The following NFASC variants were observed in gnomAD, a reference collection of about 807,000 sequenced individuals.
The protein encoded by NFASC is neurofascin homolog.
A neutral mutation model predicts 147.5 loss-of-function variants in NFASC; 43 were observed. That is an observed-to-expected ratio of 0.29 (90% CI 0.23 to 0.38). NFASC has a LOEUF of 0.38. NFASC is among the 10% of genes least tolerant of loss of function. The probability of loss-of-function intolerance (pLI) is 1.00; values close to 1 mark genes in which losing one functional copy is unlikely to be tolerated. For synonymous variants in NFASC, 622 were observed against 665.5 expected (o/e 0.93, Z 1.01); for missense variants, 1,320 against 1,689.0 (o/e 0.78, Z 3.83).
At position 204,973,263 on chromosome 1, in the gene NFASC, T is replaced by TTG; in HGVS notation, c.1136-12_1136-11insGT. Reference sequence around the variant, plus strand: ...CCCATCTCTCATGAGGAGCGTCTCTTTCTTGTCTGTAGCGGCACCACCTAA... The same window carrying TTG: ...CCCATCTCTCATGAGGAGCGTCTCTTTGTCTTGTCTGTAGCGGCACCACCTAA... On this transcript the variant is annotated splice_polypyrimidine_tract_variant and intron_variant, in intron 11 of 29. Transcript: ENST00000339876. 1 of 1,613,932 alleles carries TTG rather than the reference T, an allele frequency of 6.2e-7. No homozygotes were observed. Among genetic ancestry groups the TTG allele is most frequent in the East Asian group, 2.2e-5 (1 of 44,882 alleles).
chr1:204,849,048 T>C (rs746577070), intron 1 of NFASC, among the ~76,000 whole-genome samples: 1 of 152,366 alleles, frequency 6.6e-6, no homozygotes, highest in East Asian at 1.9e-4. Flanking sequence ...TTCTGTGTGC[T>C]CACACACCTC....
chr1:204,927,088 TGATA>T (rs796549966), intron 2 of NFASC, among the ~76,000 whole-genome samples: 6 of 151,866 alleles, frequency 4.0e-5, no homozygotes, highest in Non-Finnish European at 5.9e-5. Flanking sequence ...AATAGATAGA[TGATA>T]GATAGATAGA....
rs1220788120 is a variant in NFASC, at chr1:204,979,972, G to T, written c.2177-398G>T. The stretch of plus-strand genomic sequence containing the variant: ...TATTTGGATTTCTGAAATCACACCA[G>T]CTCATAGAGGGTAGAGATGCTGCCC... On this transcript the variant is annotated intron_variant, in intron 19 of 29. Coordinates refer to ENST00000339876, the MANE Select transcript of NFASC (RefSeq NM_001005388.3). This position sits in a 1 kb window ranked among gnomAD's most constrained non-coding sequence, Gnocchi z 6.0. Among the ~76,000 whole-genome samples the T allele has an allele frequency of 6.6e-6, 1 of 152,166 alleles. No individual in the cohort carries two copies. Among genetic ancestry groups the T allele is most frequent in the Non-Finnish European group, 1.5e-5 (1 of 68,028 alleles).
chr1:204,997,080 C>A (rs1020322543), intron 24 of NFASC, 90 bp from the exon 25 acceptor site: 40 of 1,543,454 alleles, frequency 2.6e-5, no homozygotes, highest in Non-Finnish European at 3.4e-5. Context: ...GTCTCCTCAC[C>A]GGGCTGCCTG....
chr1:204,978,425 C>T (rs186307448), intron 17 of NFASC, among the ~76,000 whole-genome samples: 247 of 152,336 alleles, frequency 1.6e-3, no homozygotes, highest in Non-Finnish European at 2.8e-3. Context: ...AGCCAAGTCT[C>T]CATCTCCTCC....
chr1:204,952,078 C>A lies in NFASC; in HGVS notation c.177C>A (p.Ile59=). 1 of 1,614,130 alleles carries A rather than the reference C, an allele frequency of 6.2e-7. No individual in the cohort carries two copies. Among genetic ancestry groups the A allele is most frequent in the Non-Finnish European group, 8.5e-7 (1 of 1,180,016 alleles). The change falls in exon 5 of 30, where the codon ATC becomes ATA. Residue 59 remains isoleucine (I), a synonymous_variant. Transcript: ENST00000339876. ...ACATCGTGGACCCCCGTGATAACATCCTGATTGAGTGTGAAGCAAAAGGGA... is the reference window on the plus strand; with the variant it reads ...ACATCGTGGACCCCCGTGATAACATACTGATTGAGTGTGAAGCAAAAGGGA... ...KDHIVDPRDN[I]LIECEAKGNP...
chr1:204,974,456 G>T, intron 13 of NFASC, 166 bp downstream of exon 13: 1 of 809,672 alleles, frequency 1.2e-6, no homozygotes, highest in East Asian at 2.6e-5. Flanking sequence ...TGTACAGAAT[G>T]GGAAACCAAG....
intron 1 of NFASC, among the ~76,000 whole-genome samples, chr1:204,910,556 A>T (rs1466466425): frequency 2.0e-5 from 3 of 151,954 alleles, no homozygotes; most frequent in Admixed American, 1.3e-4. Flanking sequence ...GGCTCAAGGG[A>T]TCCTTCCACC....
intron 1 of NFASC, among the ~76,000 whole-genome samples, chr1:204,855,799 A>G (rs2076103918): frequency 6.6e-6 from 1 of 152,190 alleles, no homozygotes; most frequent in South Asian, 2.1e-4. Flanking sequence ...GCTTGTTGAC[A>G]TAGCTAGAGA....
At chr1:204,872,644 C>A (rs1008633753) in intron 1 of NFASC, among the ~76,000 whole-genome samples, 11 of 152,136 alleles carry the variant, frequency 7.2e-5, no homozygotes, top group African/African-American at 2.7e-4. Flanking sequence ...CTGTGGGAGG[C>A]TTCCTGGAAG....
At chr1:204,991,524 C>A (rs1016407132) in intron 24 of NFASC, among the ~76,000 whole-genome samples, 7 of 152,212 alleles carry the variant, frequency 4.6e-5, no homozygotes, top group Admixed American at 1.3e-4. Context: ...AACTATTTGC[C>A]CCCTGCTGAG....
At chr1:204,885,319 C>T (rs2081107748) in intron 1 of NFASC, among the ~76,000 whole-genome samples, 2 of 152,024 alleles carry the variant, frequency 1.3e-5, no homozygotes, top group Admixed American at 6.5e-5. Flanking sequence ...AGCCGTGGGC[C>T]AGCAGAAGTC....
chr1:204,862,380 T>C (rs376950176), intron 1 of NFASC, among the ~76,000 whole-genome samples: 1 of 152,238 alleles, frequency 6.6e-6, no homozygotes, highest in African/African-American at 2.4e-5. Context: ...AATATGTATA[T>C]AGCTTCCCAA....
intron 2 of NFASC, among the ~76,000 whole-genome samples, chr1:204,931,280 A>G (rs904102348): frequency 2.0e-5 from 3 of 152,124 alleles, no homozygotes; most frequent in Non-Finnish European, 4.4e-5. Context: ...CTCTTTTCAG[A>G]TCTCCCGTGT....
chr1:204,878,655 C>T (rs2079515587), intron 1 of NFASC, among the ~76,000 whole-genome samples: 1 of 152,210 alleles, frequency 6.6e-6, no homozygotes, highest in Non-Finnish European at 1.5e-5. Flanking sequence ...CAGCTTCAGC[C>T]ATGATCAACA....
At chr1:204,851,326 C>CTTTT (rs59834352) in intron 1 of NFASC, among the ~76,000 whole-genome samples, 13 of 136,338 alleles carry the variant, frequency 9.5e-5, no homozygotes, top group Non-Finnish European at 1.1e-4. Context: ...TCATGCTTTT[C>CTTTT]TTTTTTTTTT....
chr1:204,950,339 C>A (rs925198623), intron 3 of NFASC, among the ~76,000 whole-genome samples: 1 of 152,200 alleles, frequency 6.6e-6, no homozygotes, highest in Non-Finnish European at 1.5e-5. Flanking sequence ...GGAGGCGTCA[C>A]CTTCTCCATA....
At chr1:204,843,000 A>G (rs772493527) in intron 1 of NFASC, among the ~76,000 whole-genome samples, 3 of 152,360 alleles carry the variant, frequency 2.0e-5, no homozygotes, top group Non-Finnish European at 4.4e-5. Flanking sequence ...GGGCTGGGTC[A>G]GGTGCTGGCT....
chr1:205,003,028 C>G (rs1459615639), intron 27 of NFASC, among the ~76,000 whole-genome samples: 1 of 152,184 alleles, frequency 6.6e-6, no homozygotes, highest in African/African-American at 2.4e-5. Context: ...GAACACTTAG[C>G]CCCCTGCTCT....
Sources: gnomAD v4.1 joint callset for allele counts (sites outside exome capture counted in the v4.1 genomes callset) on GRCh38, gnomAD v4.1.1 for gene constraint, Gnocchi (gnomAD v3.1) non-coding constraint, MANE v1.5 for transcripts, NCBI Gene and HGNC (gene_info 2026-07-23, HGNC 2026-07-21) for gene names.